Variants in ANKRD17 observed in about 807,000 individuals in gnomAD.
ANKRD17 encodes ankyrin repeat domain 17, also known as ankyrin repeat domain-containing protein 17.
Under a neutral mutation model 229.7 loss-of-function variants are expected in ANKRD17, and 19 were observed. The ratio of observed to expected loss-of-function variants is 0.08; its 90% confidence interval spans 0.06 to 0.12. The LOEUF is 0.12. Ranked by LOEUF, ANKRD17 falls within the 10% of genes least tolerant of loss-of-function variation. ANKRD17 has a pLI of 1.00. For missense variants in ANKRD17, 2,176 were observed against 3,176.8 expected (o/e 0.68, Z 7.57); for synonymous variants, 1,112 against 1,146.1 (o/e 0.97, Z 0.60).
intron 16 of ANKRD17, among the ~76,000 whole-genome samples, chr4:73,129,070 T>C (rs1224354534): frequency 1.3e-5 from 2 of 152,208 alleles, no homozygotes; most frequent in Non-Finnish European, 2.9e-5. Context: ...TTATATTCCT[T>C]GTCACAGATC....
intron 1 of ANKRD17, among the ~76,000 whole-genome samples, chr4:73,255,320 T>C (rs1035926667): frequency 2.6e-5 from 4 of 152,246 alleles, no homozygotes; most frequent in African/African-American, 7.2e-5. Flanking sequence ...CATTTCTTTA[T>C]AGCAAAGCTA....
intron 2 of ANKRD17, among the ~76,000 whole-genome samples, chr4:73,163,551 A>G (rs1415664047): frequency 6.6e-6 from 1 of 152,274 alleles, no homozygotes; most frequent in Non-Finnish European, 1.5e-5. Context: ...GGTAATAAAT[A>G]TATCTGCACA....
rs890621295 is a variant in ANKRD17 at position 73,134,625 on chromosome 4, C to T, written c.3234+492G>A. Among the ~76,000 whole-genome samples the T allele has an allele frequency of 2.0e-5, 3 of 152,082 alleles. No individual in the cohort carries two copies. The East Asian group carries it at 5.8e-4, about 29-fold the overall frequency. On this transcript the variant is annotated intron_variant, in intron 16 of 33. Transcript: ENST00000358602. ...TTTCTTCAAAAAGTGCCTGGAATCC[C>T]GTACAGCTAAATTTTACAAATACAG...
intron 18 of ANKRD17, among the ~76,000 whole-genome samples, chr4:73,123,459 G>C (rs1227951975): frequency 6.6e-6 from 1 of 151,984 alleles, no homozygotes; most frequent in Non-Finnish European, 1.5e-5. Flanking sequence ...AAACAAAACA[G>C]TAGGGACAGG....
intron 1 of ANKRD17, among the ~76,000 whole-genome samples, chr4:73,177,813 A>G (rs538028861): frequency 1.3e-5 from 2 of 152,254 alleles, no homozygotes; most frequent in South Asian, 4.1e-4. Context: ...TATTAGGTAT[A>G]TGTAGGGTTG....
intron 25 of ANKRD17, 95 bp downstream of exon 25, chr4:73,102,281 A>T (rs1013941369): frequency 7.6e-7 from 1 of 1,322,742 alleles, no homozygotes; most frequent in Non-Finnish European, 1.0e-6. Flanking sequence ...GGGGTTAATA[A>T]CTTGAAAGCA....
In ANKRD17 at chr4:73,158,186, A is replaced by AAGAAAGAAAGAAAGAAAGAAAGAG. The variant is rs963284200; in HGVS notation, c.705-2021_705-2020insCTCTTTCTTTCTTTCTTTCTTTCT. On this transcript the variant is annotated intron_variant, in intron 3 of 33. Coordinates refer to ENST00000358602, the MANE Select transcript of ANKRD17 (RefSeq NM_032217.5). The stretch of plus-strand genomic sequence containing the variant: ...AAAGAAAGAAAGAAAGAAAGAAAGA[A>AAGAAAGAAAGAAAGAAAGAAAGAG]AGAGAGAGAAAGAAAGAAAGAAAAG... Among the ~76,000 whole-genome samples, 393 of 111,986 alleles carry AAGAAAGAAAGAAAGAAAGAAAGAG rather than the reference A, an allele frequency of 3.5e-3. 2 individuals are homozygous for AAGAAAGAAAGAAAGAAAGAAAGAG. The highest frequency in any genetic ancestry group is 0.012 in the African/African-American group (364 of 31,196). The allele number at this position is 111,986 out of a possible 152,430, so 73.5% of individuals were successfully genotyped here.
At position 73,085,435 on chromosome 4, in the gene ANKRD17, T is replaced by C. The variant is rs1223384309; in HGVS notation, c.6973A>G (p.Met2325Val). The C allele has an allele frequency of 1.9e-6, 3 of 1,613,462 alleles. No homozygotes were observed. Among genetic ancestry groups the C allele is most frequent in the African/African-American group, 2.7e-5 (2 of 75,026 alleles). ...GTTACAGAACCATATGGCGAGTCCA[T>C]ATTGACAATACCTATAATGTAGAAG... ...PAPSPSGIVN[M>V]DSPYGSVTPS... The change falls in exon 30 of 34, where the codon ATG becomes GTG. Residue 2325 changes from methionine (M) to valine (V), a missense_variant. Coordinates refer to ENST00000358602, the MANE Select transcript of ANKRD17 (RefSeq NM_032217.5).
chr4:73,134,526 A>T (rs1728637853), intron 16 of ANKRD17, among the ~76,000 whole-genome samples: 1 of 152,162 alleles, frequency 6.6e-6, no homozygotes, highest in African/African-American at 2.4e-5. Context: ...ACTTTTTAAT[A>T]AAAAATTATA....
chr4:73,246,656 A>C (rs1339732992), intron 1 of ANKRD17, among the ~76,000 whole-genome samples: 1 of 152,186 alleles, frequency 6.6e-6, no homozygotes, highest in Non-Finnish European at 1.5e-5. Context: ...CCAGACACAA[A>C]ACAGAAAAGG....
At chr4:73,080,267 G>A (rs1448502345) in intron 30 of ANKRD17, among the ~76,000 whole-genome samples, 1 of 152,052 alleles carries the variant, frequency 6.6e-6, no homozygotes, top group East Asian at 1.9e-4. Context: ...AGATAAAAGA[G>A]AAAGACCTAT....
intron 6 of ANKRD17, among the ~76,000 whole-genome samples, chr4:73,152,945 CAATT>C (rs926873500): frequency 6.6e-6 from 1 of 152,094 alleles, no homozygotes; most frequent in Non-Finnish European, 1.5e-5. Context: ...AAATTTTAGT[CAATT>C]AATCCAAATA....
chr4:73,177,900 C>G (rs1409239311), intron 1 of ANKRD17, among the ~76,000 whole-genome samples: 2 of 152,046 alleles, frequency 1.3e-5, no homozygotes, highest in East Asian at 1.9e-4. Context: ...AAATGTTTTG[C>G]TTTCAGGACT....
At chr4:73,150,707 A>G (rs980331109) in intron 7 of ANKRD17, among the ~76,000 whole-genome samples, 2 of 152,180 alleles carry the variant, frequency 1.3e-5, no homozygotes, top group African/African-American at 4.8e-5. Context: ...GAAACTTCAG[A>G]TTCTTTGGGG....
intron 2 of ANKRD17, among the ~76,000 whole-genome samples, chr4:73,168,685 A>C (rs1733563899): frequency 6.6e-6 from 1 of 152,226 alleles, no homozygotes; most frequent in Non-Finnish European, 1.5e-5. Flanking sequence ...CCTGGGAGAA[A>C]TATAGCGTTA....
chr4:73,130,220 C>T (rs1218085401), intron 16 of ANKRD17, among the ~76,000 whole-genome samples: 1 of 152,124 alleles, frequency 6.6e-6, no homozygotes, highest in Admixed American at 6.6e-5. Flanking sequence ...GATAGCACTT[C>T]AAGGTATTCA....
chr4:73,228,111 ATCTC>A (rs1326739788), intron 1 of ANKRD17, among the ~76,000 whole-genome samples: 11 of 152,320 alleles, frequency 7.2e-5, no homozygotes, highest in African/African-American at 2.6e-4. Context: ...ACTTTATAGT[ATCTC>A]TCTTTTTCTC....
intron 1 of ANKRD17, among the ~76,000 whole-genome samples, chr4:73,234,941 G>T (rs1223296589): frequency 6.6e-6 from 1 of 152,082 alleles, no homozygotes; most frequent in Non-Finnish European, 1.5e-5. Flanking sequence ...CTCCAAGTTT[G>T]GAGCCATTCC....
chr4:73,190,737 A>C (rs1242557503), intron 1 of ANKRD17, among the ~76,000 whole-genome samples: 3 of 152,026 alleles, frequency 2.0e-5, no homozygotes, highest in Admixed American at 1.3e-4. Flanking sequence ...TAGCCTTCCT[A>C]CATACCAGCA....
Sources: gnomAD v4.1 joint callset for allele counts (sites outside exome capture counted in the v4.1 genomes callset) on GRCh38, gnomAD v4.1.1 for gene constraint, MANE v1.5 for transcripts, NCBI Gene and HGNC (gene_info 2026-07-23, HGNC 2026-07-21) for gene names.